NEB: variants seen among roughly 807,000 people sequenced by gnomAD.
The protein encoded by NEB is nemaline myopathy type 2.
Under a neutral mutation model 952.2 loss-of-function variants are expected in NEB, and 512 were observed. The observed-to-expected ratio is 0.54, with a 90% confidence interval of 0.50 to 0.58. The LOEUF (loss-of-function observed/expected upper bound fraction) is 0.58. NEB is among the 20% of genes least tolerant of loss of function. NEB has a pLI of 0.00. For synonymous variants in NEB, 2,900 were observed against 3,149.8 expected (o/e 0.92, Z 2.66); for missense variants, 8,428 against 9,231.1 (o/e 0.91, Z 3.56).
At chr2:151,506,885 A>G (rs1243435291) in intron 163 of NEB, 24 bp downstream of exon 163, 2 of 1,468,548 alleles carry the variant, frequency 1.4e-6, no homozygotes, top group African/African-American at 1.4e-5. Flanking sequence ...TTAGCATTAA[A>G]TGCAAAATAA....
intron 10 of NEB, among the ~76,000 whole-genome samples, chr2:151,715,905 G>A (rs1276459344): frequency 1.3e-5 from 2 of 152,148 alleles, no homozygotes; most frequent in Admixed American, 6.5e-5. Context: ...AGACGAGTTT[G>A]AAAGTGATTT....
At chr2:151,563,774 A>G in intron 118 of NEB, 49 bp downstream of exon 118, 5 of 1,607,448 alleles carry the variant, frequency 3.1e-6, no homozygotes, top group Non-Finnish European at 4.3e-6. Context: ...CAGCCCCTTG[A>G]TCCCCAGTAA....
chr2:151,552,537 G>A (rs1392141934), intron 128 of NEB, 135 bp downstream of exon 128: 2 of 614,034 alleles, frequency 3.3e-6, no homozygotes, highest in South Asian at 4.2e-5. Flanking sequence ...CATCTTCAGT[G>A]CTTTCAAACG....
chr2:151,535,481 C>T (rs1244973161), intron 142 of NEB, among the ~76,000 whole-genome samples: 5 of 152,208 alleles, frequency 3.3e-5, no homozygotes, highest in African/African-American at 1.2e-4. Flanking sequence ...GCTCTCCCAC[C>T]ACTGAACGGT....
chr2:151,651,022 T>A, intron 52 of NEB, 137 bp from the exon 53 acceptor site: 1 of 795,980 alleles, frequency 1.3e-6, no homozygotes, highest in African/African-American at 1.7e-5. Context: ...CTCCCAGGCC[T>A]ACTTTTCTAG....
chr2:151,526,961 T>C lies in NEB; in HGVS notation c.21902A>G (p.Lys7301Arg). ...ATTCCTGAGGGCGAGCACCGTGTTTTTGTCATCAGTGACAGAAAGCTTGCA... is the reference window on the plus strand; with the variant it reads ...ATTCCTGAGGGCGAGCACCGTGTTTCTGTCATCAGTGACAGAAAGCTTGCA... Reference protein sequence around the residue: ...KGCKLSVTDDKNTVLALRNTL... With the variant: ...KGCKLSVTDDRNTVLALRNTL... Residue 7301 changes from lysine to arginine, a missense_variant, in exon 148 of 182, where the codon AAA becomes AGA. Coordinates refer to ENST00000397345, the MANE Select transcript of NEB (RefSeq NM_001164508.2). 6.2e-7 allele frequency: 1 copy of C among 1,604,498 alleles called. No homozygotes were observed. The highest frequency in any genetic ancestry group is 8.5e-7 in the Non-Finnish European group (1 of 1,174,722).
Position 151,581,491 on chromosome 2 carries a change from T to C in NEB, c.16276A>G (p.Ile5426Val). The change falls in exon 103 of 182, where the codon ATC becomes GTC. Residue 5426 changes from isoleucine (I) to valine (V), a missense_variant. Physicochemically the swap from Ile to Val is conservative, Grantham distance 29. Transcript: ENST00000397345. ...GATGTGTGCTGTCTTACATTGCTGA[T>C]CTGCAGGGCATTGATTTTGGATTGC... ...MLQSKINALQ[I>V]SNKRYQQAWE... 1.1e-6 allele frequency: 1 copy of C among 918,036 alleles called. No individual in the cohort carries two copies. Among genetic ancestry groups the C allele is most frequent in the South Asian group, 1.6e-5 (1 of 63,760 alleles). 56.9% of individuals were successfully genotyped at this position (918,036 alleles called of 1,614,324 possible).
At chr2:151,641,676 A>T (rs1054784125) in intron 60 of NEB, among the ~76,000 whole-genome samples, 1 of 152,104 alleles carries the variant, frequency 6.6e-6, no homozygotes, top group African/African-American at 2.4e-5. Flanking sequence ...ATTATATGGT[A>T]TTTAACCCTT....
chr2:151,606,995 A>G (rs1020532892), intron 83 of NEB, among the ~76,000 whole-genome samples: 1 of 89,612 alleles, frequency 1.1e-5, no homozygotes. Flanking sequence ...AGTACATGGA[A>G]CCTAAGGATC....
At chr2:151,563,506 T>C (rs2096214788) in intron 119 of NEB, 100 bp downstream of exon 119, 2 of 1,022,376 alleles carry the variant, frequency 2.0e-6, no homozygotes, top group Middle Eastern at 2.1e-4. Flanking sequence ...CGCTACTCCA[T>C]TTCCCAGCTA....
At position 151,711,985 on chromosome 2, in the gene NEB, T is replaced by A. The variant is rs151078091; in HGVS notation, c.823-1447A>T. ...ATTTAAAGAACAGAAGTCAATAAAA[T>A]TGATTTCTGGATTTGCTAAGACTAC... is the stretch of plus-strand genomic sequence containing the variant. On this transcript the variant is annotated intron_variant, in intron 10 of 181. Transcript: ENST00000397345. Among the ~76,000 whole-genome samples, 511 of 152,320 alleles carry A rather than the reference T, an allele frequency of 3.4e-3. 11 individuals are homozygous for A. In the East Asian group the frequency reaches 0.057, roughly 17 times the overall value.
At chr2:151,692,694 G>A (rs2099568155) in intron 20 of NEB, among the ~76,000 whole-genome samples, 1 of 152,106 alleles carries the variant, frequency 6.6e-6, no homozygotes, top group Admixed American at 6.5e-5. Context: ...GTTTCGCTAG[G>A]TGCAGGGGCT....
intron 13 of NEB, among the ~76,000 whole-genome samples, chr2:151,706,429 C>T (rs769180893): frequency 6.6e-6 from 1 of 152,188 alleles, no homozygotes; most frequent in Non-Finnish European, 1.5e-5. Flanking sequence ...CTTAGTCGGG[C>T]TCTTAATAAT....
At chr2:151,649,247 T>C (rs1004557741) in intron 54 of NEB, among the ~76,000 whole-genome samples, 2 of 152,192 alleles carry the variant, frequency 1.3e-5, no homozygotes, top group Non-Finnish European at 2.9e-5. Flanking sequence ...GCATTTACTA[T>C]ACATTCTGGA....
Position 151,525,207 on chromosome 2 carries a change from G to A in NEB, c.22228C>T (p.Pro7410Ser). The A allele has an allele frequency of 6.2e-7, 1 of 1,613,956 alleles. No individual in the cohort carries two copies. The highest frequency in any genetic ancestry group is 8.5e-7 in the Non-Finnish European group (1 of 1,179,838). The change falls in exon 151 of 182, where the codon CCA becomes TCA. Residue 7410 changes from proline (P) to serine (S), a missense_variant. Pro to Ser is a moderately conservative substitution (Grantham distance 74). Coordinates refer to ENST00000397345, the MANE Select transcript of NEB (RefSeq NM_001164508.2). Reference protein sequence around the residue: ...KSNYSIMLEPPEVKHAMEVAK... With the variant: ...KSNYSIMLEPSEVKHAMEVAK... The stretch of plus-strand genomic sequence containing the variant: ...ACTTCCATAGCATGTTTCACCTCTG[G>A]TGGCTCCAGCATGATGGAGTAGTTG...
intron 75 of NEB, among the ~76,000 whole-genome samples, chr2:151,616,458 A>C (rs957196985): frequency 9.2e-5 from 14 of 152,124 alleles, no homozygotes; most frequent in Admixed American, 3.3e-4. Flanking sequence ...GGAGGCTGAG[A>C]TGGGTGGATC....
intron 153 of NEB, among the ~76,000 whole-genome samples, chr2:151,523,266 T>C (rs1462130544): frequency 6.6e-6 from 1 of 152,222 alleles, no homozygotes; most frequent in East Asian, 1.9e-4. Flanking sequence ...CATAGGAATT[T>C]TAAGTTTAAA....
intron 144 of NEB, among the ~76,000 whole-genome samples, chr2:151,531,308 C>CTTTTTTTTTTTTT (rs1159075000): frequency 2.4e-5 from 2 of 84,010 alleles, no homozygotes; most frequent in Non-Finnish European, 4.4e-5. Context: ...TTTTTTCTTT[C>CTTTTTTTTTTTTT]TTTTTTTTTT....
rs1410487561 is a variant in NEB, at chr2:151,579,210, C to T, written c.16704+128G>A. The T allele has an allele frequency of 4.9e-6, 3 of 617,158 alleles. No homozygotes were observed. In the African/African-American group the frequency reaches 5.4e-5, roughly 11 times the overall value. The allele number at this position is 617,158 out of a possible 1,614,324, so 38.2% of individuals were successfully genotyped here. A position where few individuals can be genotyped will look rare whatever the true frequency, so the allele number is the denominator to read the frequency against. ...CTGAAGAAACCTGGCTGTAGGTAGG[C>T]AATTAATAATTCTGATAAAATAATA... On this transcript the variant is annotated intron_variant, in intron 105 of 181. Transcript: ENST00000397345.
Sources: allele counts gnomAD v4.1 joint callset (sites outside exome capture counted in the v4.1 genomes callset), GRCh38; gene constraint gnomAD v4.1.1; transcripts MANE v1.5; gene names NCBI Gene and HGNC (gene_info 2026-07-23, HGNC 2026-07-21).